Variants in ATL3 observed in about 807,000 individuals in gnomAD.
ATL3 encodes the protein atlastin GTPase 3.
ATL3 carries 49 observed loss-of-function variants against 69.5 expected under a neutral mutation model. The ratio of observed to expected loss-of-function variants is 0.71; its 90% CI spans 0.56 to 0.89. The LOEUF (loss-of-function observed/expected upper bound fraction) is 0.89. ATL3 is among the 40% of genes least tolerant of loss of function. The probability of loss-of-function intolerance (pLI) is 0.00; values close to 1 mark genes in which losing one functional copy is unlikely to be tolerated. For synonymous variants in ATL3, 214 were observed against 224.1 expected (o/e 0.95, Z 0.40); for missense variants, 606 against 645.7 (o/e 0.94, Z 0.67).
At chr11:63,652,032 A>G in intron 4 of ATL3, 46 bp from the exon 5 acceptor site, 1 of 1,574,158 alleles carries the variant, frequency 6.4e-7, no homozygotes, top group Admixed American at 2.0e-5. Flanking sequence ...CTTACTTCAA[A>G]CAAATCCCAA....
intron 1 of ATL3, among the ~76,000 whole-genome samples, chr11:63,662,313 A>G (rs1161200283): frequency 6.6e-6 from 1 of 152,160 alleles, no homozygotes; most frequent in Non-Finnish European, 1.5e-5. Context: ...GGCGTAAGGA[A>G]TGAATAAAGA....
chr11:63,667,850 T>C (rs1940624951), intron 1 of ATL3, among the ~76,000 whole-genome samples: 1 of 151,670 alleles, frequency 6.6e-6, no homozygotes, highest in South Asian at 2.1e-4. Context: ...TGCACAACTG[T>C]TGTGGGGGGC....
chr11:63,646,079 A>G lies in ATL3; in HGVS notation c.618+428T>C, dbSNP rs116505306. On this transcript the variant is annotated intron_variant, in intron 6 of 12. Coordinates refer to ENST00000398868, the MANE Select transcript of ATL3 (RefSeq NM_015459.5). ...GTACCTACCCCCATTTTTTTAAGAG[A>G]TGTCTTGCTATGTTGCCCAGGCTGG... Among the ~76,000 whole-genome samples, 475 of 151,290 alleles carry G rather than the reference A, an allele frequency of 3.1e-3. 2 individuals are homozygous for G. Among genetic ancestry groups the G allele is most frequent in the African/African-American group, 0.011 (461 of 41,180 alleles).
chr11:63,657,405 T>G lies in ATL3; in HGVS notation c.405+1356A>C, dbSNP rs568841362. Among the ~76,000 whole-genome samples, 3 of 152,304 alleles carry G rather than the reference T, an allele frequency of 2.0e-5. No homozygotes were observed. In the East Asian group the frequency reaches 5.8e-4, roughly 29 times the overall value. On this transcript the variant is annotated intron_variant, in intron 3 of 12. Coordinates refer to ENST00000398868, the MANE Select transcript of ATL3 (RefSeq NM_015459.5). Reference sequence around the variant, plus strand: ...TGAGACTGGGGCTAAGAAGCCCTACTGATAGCTAGGGGATAGTGAATGCCC... The same window carrying G: ...TGAGACTGGGGCTAAGAAGCCCTACGGATAGCTAGGGGATAGTGAATGCCC...
chr11:63,636,390 A>T, intron 8 of ATL3, 56 bp from the exon 9 acceptor site: 1 of 1,607,610 alleles, frequency 6.2e-7, no homozygotes, highest in South Asian at 1.1e-5. Context: ...TATTCAACCA[A>T]GGTGAACACA....
At chr11:63,665,706 C>T (rs575895472) in intron 1 of ATL3, among the ~76,000 whole-genome samples, 4 of 152,056 alleles carry the variant, frequency 2.6e-5, no homozygotes, top group Admixed American at 1.3e-4. Flanking sequence ...CTGGGCAACA[C>T]GGCGAAACCC....
At position 63,632,198 on chromosome 11, in the gene ATL3, T is replaced by C. The variant is rs190976706; in HGVS notation, c.1108-727A>G. On this transcript the variant is annotated intron_variant, in intron 11 of 12. Coordinates refer to ENST00000398868, the MANE Select transcript of ATL3 (RefSeq NM_015459.5). ...AATTATAGAACAGATCTATGACCAA[T>C]GGTGGCAGAGTCTACATAGAACTAT... 1,688 of 581,486 alleles carry C rather than the reference T, an allele frequency of 2.9e-3. 2 individuals are homozygous for C. Among genetic ancestry groups the C allele is most frequent in the Non-Finnish European group, 4.7e-3 (1,432 of 307,794 alleles). The allele number at this position is 581,486 out of a possible 1,614,324, so 36.0% of individuals were successfully genotyped here. A position where few individuals can be genotyped will look rare whatever the true frequency, so the allele number is the denominator to read the frequency against.
chr11:63,639,361 G>A (rs774781449), intron 8 of ATL3, among the ~76,000 whole-genome samples: 1 of 152,186 alleles, frequency 6.6e-6, no homozygotes, highest in Admixed American at 6.5e-5. Context: ...CATAATAATT[G>A]TAGTTCCTTA....
chr11:63,666,199 C>T lies in ATL3; in HGVS notation c.46+5091G>A, dbSNP rs181379741. Among the ~76,000 whole-genome samples, 191 of 152,200 alleles carry T rather than the reference C, an allele frequency of 1.3e-3. 1 individual carries two copies. The highest frequency in any genetic ancestry group is 3.8e-3 in the African/African-American group (159 of 41,550). On this transcript the variant is annotated intron_variant, in intron 1 of 12. Coordinates refer to ENST00000398868, the MANE Select transcript of ATL3 (RefSeq NM_015459.5). ...CTGGGATTACAGGTACCCACCACCA[C>T]GCCTAATTTTTGTATTTTTAGTAGA...
intron 1 of ATL3, among the ~76,000 whole-genome samples, chr11:63,664,531 C>G (rs189144749): frequency 1.3e-5 from 2 of 151,632 alleles, no homozygotes; most frequent in African/African-American, 4.8e-5. Flanking sequence ...CAGAGCGAAA[C>G]TCTGTCTTTT....
chr11:63,658,710 T>C (rs761364945), intron 3 of ATL3, 51 bp downstream of exon 3: 1 of 1,547,048 alleles, frequency 6.5e-7, no homozygotes, highest in Non-Finnish European at 8.7e-7. Context: ...ATGCTGAAGT[T>C]CATATTTTGT....
At chr11:63,669,335 G>T (rs926425555) in intron 1 of ATL3, among the ~76,000 whole-genome samples, 3 of 151,944 alleles carry the variant, frequency 2.0e-5, no homozygotes, top group Non-Finnish European at 2.9e-5. Context: ...AGGAGTTCAA[G>T]ATCAGCCTGG....
At chr11:63,671,386 G>A (rs750106984), upstream of ATL3, 3 of 1,541,672 alleles carry the variant, frequency 1.9e-6, no homozygotes, top group East Asian at 2.6e-5. Flanking sequence ...GGAGAGGGAC[G>A]GGTGCGGGCG....
intron 6 of ATL3, among the ~76,000 whole-genome samples, chr11:63,644,637 G>C (rs1331162626): frequency 1.3e-5 from 2 of 151,954 alleles, no homozygotes; most frequent in Non-Finnish European, 2.9e-5. Flanking sequence ...GCAATCCTGT[G>C]GCCTTGGCCT....
At chr11:63,636,536 C>T (rs997332108) in intron 8 of ATL3, among the ~76,000 whole-genome samples, 1 of 151,968 alleles carries the variant, frequency 6.6e-6, no homozygotes, top group African/African-American at 2.4e-5. Flanking sequence ...GTCAGGAGTT[C>T]GAGACCAGCC....
At position 63,633,046 on chromosome 11, in the gene ATL3, A is replaced by C; in HGVS notation, c.1087T>G (p.Tyr363Asp). The C allele has an allele frequency of 1.2e-6, 2 of 1,614,128 alleles. No individual in the cohort carries two copies. The highest frequency in any genetic ancestry group is 1.7e-6 in the Non-Finnish European group (2 of 1,179,992). ...LAAAASAKDIYYNNMEEVCGG... is the reference protein window; with the variant it reads ...LAAAASAKDIDYNNMEEVCGG... Reference sequence around the variant, plus strand: ...CGTACCTCTTCCATGTTGTTATAATAAATGTCCTTGGCAGAGGCTGCAGCT... The same window carrying C: ...CGTACCTCTTCCATGTTGTTATAATCAATGTCCTTGGCAGAGGCTGCAGCT... Residue 363 changes from tyrosine (Y) to aspartate (D), a missense_variant, in exon 11 of 13, where the codon TAT becomes GAT. Tyr to Asp is a radical substitution (Grantham distance 160). Transcript: ENST00000398868.
At chr11:63,639,834 GATC>G (rs1939632755) in intron 8 of ATL3, among the ~76,000 whole-genome samples, 2 of 151,864 alleles carry the variant, frequency 1.3e-5, no homozygotes, top group Admixed American at 1.3e-4. Flanking sequence ...AAATAAATAG[GATC>G]ATACCACATA....
At chr11:63,665,057 A>C (rs148707430) in intron 1 of ATL3, among the ~76,000 whole-genome samples, 20 of 152,330 alleles carry the variant, frequency 1.3e-4, no homozygotes, top group African/African-American at 4.6e-4. Flanking sequence ...AAGAATGTAT[A>C]CAGTTGAGAC....
chr11:63,650,752 G>A (rs963916517), intron 5 of ATL3: 1 of 152,164 alleles, frequency 6.6e-6, no homozygotes, highest in Non-Finnish European at 1.5e-5. Context: ...CACAAGGTAA[G>A]CATTCGAAAA....
Sources: allele counts gnomAD v4.1 joint callset (sites outside exome capture counted in the v4.1 genomes callset), GRCh38; gene constraint gnomAD v4.1.1; transcripts MANE v1.5; gene names NCBI Gene and HGNC (gene_info 2026-07-23, HGNC 2026-07-21).